KCNMA1: variants seen among roughly 807,000 people sequenced by gnomAD.
The protein encoded by KCNMA1 is Calcium-activated potassium channel subunit alpha-1.
Under a neutral mutation model 140.0 loss-of-function variants are expected in KCNMA1, and 29 were observed. The observed-to-expected ratio is 0.21, with a 90% CI of 0.15 to 0.28. The LOEUF (loss-of-function observed/expected upper bound fraction) is 0.28. Among genes scored for constraint, KCNMA1 ranks in the 10% least tolerant of loss-of-function variants. The pLI is 1.00. For missense variants in KCNMA1, 880 were observed against 1,602.2 expected (o/e 0.55, Z 7.70); for synonymous variants, 612 against 611.9 (o/e 1.00, Z 0.00).
chr10:77,161,338 C>T (rs1336702737), intron 5 of KCNMA1, among the ~76,000 whole-genome samples: 1 of 152,110 alleles, frequency 6.6e-6, no homozygotes, highest in Non-Finnish European at 1.5e-5. Context: ...GCCTCAACCT[C>T]TTTGCCTCAA....
At chr10:77,628,575 G>A (rs914657348) in intron 1 of KCNMA1, among the ~76,000 whole-genome samples, 2 of 151,562 alleles carry the variant, frequency 1.3e-5, no homozygotes, top group Admixed American at 6.6e-5. Flanking sequence ...CCTGGAGGGA[G>A]AGGTTACAGT....
Position 77,079,536 on chromosome 10 carries a change from T to C in KCNMA1, c.1538A>G (p.Lys513Arg), listed in dbSNP as rs755590004. 6.2e-7 allele frequency: 1 copy of C among 1,607,746 alleles called. No homozygotes were observed. Among genetic ancestry groups the C allele is most frequent in the Non-Finnish European group, 8.5e-7 (1 of 1,174,164 alleles). The change falls in exon 13 of 28, where the codon AAG (lysine) becomes AGG (arginine). Residue 513 changes from lysine (K) to arginine (R), a missense_variant. Lys to Arg is a conservative substitution (Grantham distance 26). Transcript: ENST00000286628. Reference sequence around the variant, plus strand: ...GATTCTTATCTTCGGATGGTAGTTCTTTATGGAGATTACTCTGAAAAAGAA... The same window carrying C: ...GATTCTTATCTTCGGATGGTAGTTCCTTATGGAGATTACTCTGAAAAAGAA... ...ASNIMRVISI[K>R]NYHPKIRIIT...
At chr10:77,427,781 G>A (rs1208940674) in intron 1 of KCNMA1, among the ~76,000 whole-genome samples, 5 of 150,554 alleles carry the variant, frequency 3.3e-5, no homozygotes, top group Non-Finnish European at 7.4e-5. Flanking sequence ...ATGGAGTCTC[G>A]CTCTGTCACC....
chr10:76,954,106 C>T (rs1279914743), intron 20 of KCNMA1, among the ~76,000 whole-genome samples, 182 bp from the exon 21 acceptor site: 1 of 152,208 alleles, frequency 6.6e-6, no homozygotes, highest in Non-Finnish European at 1.5e-5. Flanking sequence ...CACCACCCCA[C>T]TTCTGGAAGT....
At chr10:77,180,319 G>T (rs1374546088) in intron 5 of KCNMA1, among the ~76,000 whole-genome samples, 3 of 152,148 alleles carry the variant, frequency 2.0e-5, no homozygotes, top group Admixed American at 6.6e-5. Context: ...TTGGTACAAT[G>T]GTTGTTTCAC....
intron 5 of KCNMA1, among the ~76,000 whole-genome samples, chr10:77,181,262 A>T (rs1315924910): frequency 1.3e-5 from 2 of 152,190 alleles, no homozygotes; most frequent in African/African-American, 4.8e-5. Context: ...TCGAGTGCAC[A>T]GGGTAATTAA....
intron 1 of KCNMA1, among the ~76,000 whole-genome samples, chr10:77,590,747 C>T (rs2078886981): frequency 6.6e-6 from 1 of 152,162 alleles, no homozygotes; most frequent in Non-Finnish European, 1.5e-5. Flanking sequence ...ACGCTGTCAC[C>T]TCTCACTACC....
chr10:77,466,081 T>C (rs79487419), intron 1 of KCNMA1, among the ~76,000 whole-genome samples: 9,788 of 152,122 alleles, frequency 0.064, 985 homozygotes, highest in African/African-American at 0.21. Context: ...AAGGCAAAAA[T>C]AGACCATGAG....
intron 2 of KCNMA1, among the ~76,000 whole-genome samples, chr10:77,385,047 T>G (rs1214963315): frequency 6.6e-6 from 1 of 152,204 alleles, no homozygotes; most frequent in African/African-American, 2.4e-5. Context: ...AAGAGAAGAA[T>G]AATGTTTGCC....
chr10:76,998,641 T>G (rs1196741658), intron 19 of KCNMA1, among the ~76,000 whole-genome samples: 1 of 152,206 alleles, frequency 6.6e-6, no homozygotes, highest in African/African-American at 2.4e-5. Flanking sequence ...CCATTTCTAA[T>G]TGTCAAACCC....
chr10:76,948,884 T>C (rs2152939688), intron 22 of KCNMA1: 3 of 546,266 alleles, frequency 5.5e-6, no homozygotes, highest in South Asian at 4.1e-5. Context: ...GTTTAGACGC[T>C]GATATGGTTA....
In KCNMA1 at chr10:76,933,424, A is replaced by G. The variant is rs139951411; in HGVS notation, c.2902+11349T>C. Among the ~76,000 whole-genome samples, 486 of 152,276 alleles carry G rather than the reference A, an allele frequency of 3.2e-3. 1 individual carries two copies. The highest frequency in any genetic ancestry group is 5.2e-3 in the Non-Finnish European group (356 of 68,016). The stretch of plus-strand genomic sequence containing the variant: ...CTTTGGAGGATCTACTCAGGTTAAC[A>G]GTGCACCCACCTACAAGCATTTCCT... On this transcript the variant is annotated intron_variant, in intron 23 of 27. Coordinates refer to ENST00000286628, the MANE Select transcript of KCNMA1 (RefSeq NM_001161352.2).
At chr10:77,528,244 G>A (rs2056488266) in intron 1 of KCNMA1, among the ~76,000 whole-genome samples, 1 of 152,164 alleles carries the variant, frequency 6.6e-6, no homozygotes, top group Non-Finnish European at 1.5e-5. Flanking sequence ...CAAGAATCCA[G>A]CAATTTCCTC....
chr10:77,469,907 G>C (rs575376264), intron 1 of KCNMA1, among the ~76,000 whole-genome samples: 9 of 152,284 alleles, frequency 5.9e-5, no homozygotes, highest in Admixed American at 5.2e-4. Context: ...ATAGCTCCTC[G>C]GTCAGTCTTC....
chr10:76,991,154 T>G (rs1419696679), intron 19 of KCNMA1, among the ~76,000 whole-genome samples: 1 of 152,198 alleles, frequency 6.6e-6, no homozygotes, highest in Non-Finnish European at 1.5e-5. Context: ...TTTCCTCACA[T>G]GAGCCCTGCC....
intron 5 of KCNMA1, among the ~76,000 whole-genome samples, chr10:77,162,531 A>T (rs1035318502): frequency 5.3e-5 from 8 of 152,184 alleles, no homozygotes; most frequent in African/African-American, 1.9e-4. Context: ...TCTGACTACA[A>T]TCCAGAGATA....
At chr10:77,445,819 GC>G (rs1396086252) in intron 1 of KCNMA1, among the ~76,000 whole-genome samples, 19 of 152,154 alleles carry the variant, frequency 1.2e-4, no homozygotes, top group Non-Finnish European at 1.9e-4. Context: ...CGATGGGGCC[GC>G]TCTATCTCTC....
In KCNMA1 at chr10:77,007,653, G is replaced by GTGTGTGTATATATATATATA; in HGVS notation, c.2092+4313_2092+4314insTATATATATATATACACACA. ...ACATCATGGTACATATTGTGTGTGT[G>GTGTGTGTATATATATATATA]TATATATATATATATATATATATGT... On this transcript the variant is annotated intron_variant, in intron 18 of 27. Coordinates refer to ENST00000286628, the MANE Select transcript of KCNMA1 (RefSeq NM_001161352.2). Among the ~76,000 whole-genome samples, 453 of 88,352 alleles carry GTGTGTGTATATATATATATA rather than the reference G, an allele frequency of 5.1e-3. 8 individuals are homozygous for GTGTGTGTATATATATATATA. Among genetic ancestry groups the GTGTGTGTATATATATATATA allele is most frequent in the African/African-American group, 0.016 (357 of 22,108 alleles). The allele number at this position is 88,352 out of a possible 152,430, so 58.0% of individuals were successfully genotyped here.
rs578203536 is a variant in KCNMA1 at position 76,970,053 on chromosome 10, G to A, written c.2281C>T (p.Pro761Ser). ...TSFRAFEDEQ[P>S]STLSPKKKQR... Reference sequence around the variant, plus strand: ...TTTTTTTTTGGTGATAGTGTTGACGGCTGCTCATCTTCAACTGGAAATACA... The same window carrying A: ...TTTTTTTTTGGTGATAGTGTTGACGACTGCTCATCTTCAACTGGAAATACA... The change falls in exon 20 of 28, where the codon CCG becomes TCG. Residue 761 changes from proline to serine, a missense_variant. Transcript: ENST00000286628. 2 of 1,613,836 alleles carry A rather than the reference G, an allele frequency of 1.2e-6. No individual in the cohort carries two copies. Among genetic ancestry groups the A allele is most frequent in the East Asian group, 4.5e-5 (2 of 44,862 alleles).
Sources: gnomAD v4.1 joint callset for allele counts (sites outside exome capture counted in the v4.1 genomes callset) on GRCh38, gnomAD v4.1.1 for gene constraint, MANE v1.5 for transcripts, NCBI Gene and HGNC (gene_info 2026-07-23, HGNC 2026-07-21) for gene names.